Variants in SLC1A1 observed in about 807,000 individuals in gnomAD.
SLC1A1 encodes solute carrier family 1 member 1.
Under a neutral mutation model 53.3 loss-of-function variants are expected in SLC1A1, and 43 were observed. The observed-to-expected ratio is 0.81, with a 90% CI of 0.63 to 1.04. The LOEUF (loss-of-function observed/expected upper bound fraction) is 1.04. Ranked by LOEUF, SLC1A1 falls within the 50% of genes least tolerant of loss-of-function variation. SLC1A1 has a pLI of 0.00. For synonymous variants in SLC1A1, 307 were observed against 243.2 expected (o/e 1.26, Z -2.44); for missense variants, 748 against 664.9 (o/e 1.12, Z -1.37).
rs1245349571 is a variant in SLC1A1 at position 4,549,203 on chromosome 9, A to G, written c.232+4496A>G. 1.3e-5 allele frequency among the ~76,000 whole-genome samples: 2 copies of G among 152,134 alleles called. No homozygotes were observed. Among genetic ancestry groups the G allele is most frequent in the Admixed American group, 6.5e-5 (1 of 15,272 alleles). On this transcript the variant is annotated intron_variant, in intron 2 of 11. Transcript: ENST00000262352. This position sits in a 1 kb window ranked among gnomAD's most constrained non-coding sequence, Gnocchi z 4.1. ...TTCCCGGATGCTCATAACTTTGCTCAGGAAGAGGTTGCAGCTCTTCCACTT... is the reference window on the plus strand; with the variant it reads ...TTCCCGGATGCTCATAACTTTGCTCGGGAAGAGGTTGCAGCTCTTCCACTT...
At position 4,585,434 on chromosome 9, in the gene SLC1A1, C is replaced by T; in HGVS notation, c.1451C>T (p.Pro484Leu). 6.2e-7 allele frequency: 1 copy of T among 1,614,136 alleles called. No individual in the cohort carries two copies. Among genetic ancestry groups the T allele is most frequent in the Non-Finnish European group, 8.5e-7 (1 of 1,180,046 alleles). Reference protein sequence around the residue: ...DVSSEVNIVNPFALESTILDN... With the variant: ...DVSSEVNIVNLFALESTILDN... ...TCATCTGAAGTCAACATTGTGAATC[C>T]CTTTGCCTTGGAATCCACAATCCTT... The change falls in exon 12 of 12, where the codon CCC (proline) becomes CTC (leucine). Residue 484 changes from proline (P) to leucine (L), a missense_variant. By Grantham distance (98) the Pro-to-Leu change is moderately conservative (BLOSUM62 -3). Coordinates refer to ENST00000262352, the MANE Select transcript of SLC1A1 (RefSeq NM_004170.6).
intron 1 of SLC1A1, among the ~76,000 whole-genome samples, chr9:4,535,380 T>G (rs1816636000): frequency 6.6e-6 from 1 of 152,154 alleles, no homozygotes; most frequent in African/African-American, 2.4e-5. Flanking sequence ...AAAATCAATG[T>G]GCAAAAAATC....
chr9:4,569,086 A>T (rs76369171), intron 6 of SLC1A1, among the ~76,000 whole-genome samples: 1 of 152,150 alleles, frequency 6.6e-6, no homozygotes, highest in East Asian at 1.9e-4. Flanking sequence ...GAGCAAAAAA[A>T]GAGCCCTGTT....
intron 1 of SLC1A1, among the ~76,000 whole-genome samples, chr9:4,529,297 G>C (rs938375759): frequency 5.3e-5 from 8 of 152,082 alleles, no homozygotes; most frequent in Admixed American, 5.2e-4. Context: ...GTGCAGTTAC[G>C]TACATCTACC....
At chr9:4,512,090 G>T (rs1257411090) in intron 1 of SLC1A1, among the ~76,000 whole-genome samples, 1 of 152,184 alleles carries the variant, frequency 6.6e-6, no homozygotes, top group Non-Finnish European at 1.5e-5. Context: ...GACATAAGTT[G>T]TTCATGGATT....
In SLC1A1 at chr9:4,572,402, G is replaced by C. The variant is rs374604133; in HGVS notation, c.767+14G>C. ...GATCATCATGTGGTGAGCAGACACT[G>C]TTTAATGTCATTTTGCTTCCCCTGA... On this transcript the variant is annotated intron_variant, in intron 7 of 11. Coordinates refer to ENST00000262352, the MANE Select transcript of SLC1A1 (RefSeq NM_004170.6). 8.7e-6 allele frequency: 14 copies of C among 1,609,252 alleles called. No individual in the cohort carries two copies. The African/African-American group carries it at 1.3e-4, about 15-fold the overall frequency.
chr9:4,579,983 G>C (rs1052985189), intron 10 of SLC1A1, among the ~76,000 whole-genome samples: 1 of 152,174 alleles, frequency 6.6e-6, no homozygotes, highest in African/African-American at 2.4e-5. Flanking sequence ...CACTTTGGGA[G>C]ACCTAAGTGG....
At chr9:4,535,964 A>T (rs572401564) in intron 1 of SLC1A1, among the ~76,000 whole-genome samples, 1 of 152,314 alleles carries the variant, frequency 6.6e-6, no homozygotes, top group African/African-American at 2.4e-5. Context: ...TATTTAATAA[A>T]TGGTGCTGGG....
chr9:4,507,036 C>T (rs1347978083), intron 1 of SLC1A1, among the ~76,000 whole-genome samples: 1 of 152,094 alleles, frequency 6.6e-6, no homozygotes, highest in East Asian at 1.9e-4. Flanking sequence ...TGGAGACCAT[C>T]CTGGATAACA....
chr9:4,500,916 G>C (rs543985187), intron 1 of SLC1A1, among the ~76,000 whole-genome samples: 2 of 152,200 alleles, frequency 1.3e-5, no homozygotes, highest in African/African-American at 4.8e-5. Context: ...CCCAGGCCCA[G>C]CCTCGGCTAT....
intron 1 of SLC1A1, among the ~76,000 whole-genome samples, chr9:4,520,995 G>C: frequency 6.6e-6 from 1 of 152,010 alleles, no homozygotes. Flanking sequence ...TCTTATTGTG[G>C]TTTTGATTTA....
chr9:4,562,580 T>C (rs1024631815), intron 3 of SLC1A1, among the ~76,000 whole-genome samples: 1 of 152,164 alleles, frequency 6.6e-6, no homozygotes, highest in African/African-American at 2.4e-5. Flanking sequence ...CTTAGCATAG[T>C]TTTTTGAAGA....
intron 1 of SLC1A1, among the ~76,000 whole-genome samples, chr9:4,514,769 A>T (rs1821109112): frequency 6.6e-6 from 1 of 152,108 alleles, no homozygotes; most frequent in South Asian, 2.1e-4. Context: ...GATAGCTCTG[A>T]CTTAGTTTGC....
intron 1 of SLC1A1, among the ~76,000 whole-genome samples, chr9:4,501,739 G>A (rs141506903): frequency 0.041 from 6,191 of 151,408 alleles, 610 homozygotes; most frequent in African/African-American, 0.14. Context: ...ACTCCAGCCT[G>A]GGCAATGAGA....
chr9:4,496,147 G>A (rs557587448), intron 1 of SLC1A1, among the ~76,000 whole-genome samples: 25 of 152,240 alleles, frequency 1.6e-4, no homozygotes, highest in African/African-American at 6.0e-4. Context: ...CCCAACATTG[G>A]AGGTCTGGGA....
rs760411287 is a variant in SLC1A1, at chr9:4,544,707, G to C, written c.232G>C (p.Gly78Arg). Reference protein sequence around the residue: ...LPLIISSMITGVAALDSNVSG... With the variant: ...LPLIISSMITRVAALDSNVSG... ...ATTAATTATATCCAGCATGATTACAGGTACCTTGAGAAAACAGATGTTCTC... is the reference window on the plus strand; with the variant it reads ...ATTAATTATATCCAGCATGATTACACGTACCTTGAGAAAACAGATGTTCTC... The change falls in exon 2 of 12, where the codon GGT becomes CGT. Residue 78 changes from glycine to arginine, a missense_variant and splice_region_variant. Coordinates refer to ENST00000262352, the MANE Select transcript of SLC1A1 (RefSeq NM_004170.6). The C allele has an allele frequency of 1.9e-6, 3 of 1,611,922 alleles. No homozygotes were observed. Among genetic ancestry groups the C allele is most frequent in the Non-Finnish European group, 2.5e-6 (3 of 1,178,276 alleles).
At chr9:4,491,690 A>ATT (rs1276907208) in intron 1 of SLC1A1, among the ~76,000 whole-genome samples, 1 of 152,106 alleles carries the variant, frequency 6.6e-6, no homozygotes, top group Non-Finnish European at 1.5e-5. Context: ...GATTAGCGCC[A>ATT]TATCTGTCGC....
At chr9:4,580,581 T>C (rs1820966217) in intron 10 of SLC1A1, among the ~76,000 whole-genome samples, 1 of 125,640 alleles carries the variant, frequency 8.0e-6, no homozygotes, top group Non-Finnish European at 1.6e-5. Flanking sequence ...ACCTTGTCTC[T>C]GGAAAAAAAA....
chr9:4,564,117 G>A (rs748374544), intron 3 of SLC1A1, among the ~76,000 whole-genome samples: 8 of 151,960 alleles, frequency 5.3e-5, no homozygotes, highest in South Asian at 2.1e-4. Flanking sequence ...AGACGCACAC[G>A]CACGCACGCA....
Sources: gnomAD v4.1 joint callset for allele counts (sites outside exome capture counted in the v4.1 genomes callset) on GRCh38, gnomAD v4.1.1 for gene constraint, Gnocchi (gnomAD v3.1) non-coding constraint, MANE v1.5 for transcripts, NCBI Gene and HGNC (gene_info 2026-07-23, HGNC 2026-07-21) for gene names.